DSG3: variants seen among roughly 807,000 people sequenced by gnomAD.
DSG3 encodes the protein desmoglein-3.
DSG3 carries 63 observed loss-of-function variants against 85.9 expected under a neutral mutation model. That is an observed-to-expected ratio of 0.73 (90% CI 0.60 to 0.90). The LOEUF (loss-of-function observed/expected upper bound fraction) is 0.90, where lower values mean the gene tolerates loss of function less well. DSG3 is among the 40% of genes least tolerant of loss of function. DSG3 has a pLI of 0.00. For missense variants in DSG3, 1,220 were observed against 1,219.9 expected (o/e 1.00, Z 0.00); for synonymous variants, 447 against 441.9 (o/e 1.01, Z -0.14).
chr18:31,466,584 A>G lies in DSG3; in HGVS notation c.1466A>G (p.Asn489Ser). The G allele has an allele frequency of 6.2e-7, 1 of 1,614,240 alleles. No individual in the cohort carries two copies. Among genetic ancestry groups the G allele is most frequent in the Non-Finnish European group, 8.5e-7 (1 of 1,180,036 alleles). Reference sequence around the variant, plus strand: ...GTATATGTTAGAGTACCCGATTTCAATGACAATTGTCCAACAGCTGTCCTC... The same window carrying G: ...GTATATGTTAGAGTACCCGATTTCAGTGACAATTGTCCAACAGCTGTCCTC... Reference protein sequence around the residue: ...GTVYVRVPDFNDNCPTAVLEK... With the variant: ...GTVYVRVPDFSDNCPTAVLEK... The change falls in exon 11 of 16, where the codon AAT becomes AGT. Residue 489 changes from asparagine (N) to serine (S), a missense_variant. Asn to Ser is a conservative substitution (Grantham distance 46). Transcript: ENST00000257189.
At chr18:31,452,274 A>G (rs1384282040) in intron 1 of DSG3, among the ~76,000 whole-genome samples, 1 of 152,168 alleles carries the variant, frequency 6.6e-6, no homozygotes, top group African/African-American at 2.4e-5. Context: ...TAATCCCAGC[A>G]CTTTGGGAGG....
intron 1 of DSG3, among the ~76,000 whole-genome samples, chr18:31,454,507 ACAT>A (rs1031473509): frequency 1.3e-5 from 2 of 152,164 alleles, no homozygotes; most frequent in African/African-American, 2.4e-5. Context: ...AAGAGTCCTG[ACAT>A]CTTATGTCTG....
chr18:31,461,340 T>G lies in DSG3; in HGVS notation c.927T>G (p.Ser309=). Residue 309 remains serine (S), a synonymous_variant, in exon 8 of 16, where the codon TCT becomes TCG. Transcript: ENST00000257189. ...DNWLAVYFFT[S]GNEGNWFEIQ... ...GGCTTGCAGTATATTTCTTTACCTC[T>G]GGGAATGAAGGAAATTGGTTTGAAA... 6.2e-7 allele frequency: 1 copy of G among 1,613,658 alleles called. No individual in the cohort carries two copies. Among genetic ancestry groups the G allele is most frequent in the Non-Finnish European group, 8.5e-7 (1 of 1,179,750 alleles).
At chr18:31,470,378 T>C (rs1211726757) in intron 12 of DSG3, among the ~76,000 whole-genome samples, 1 of 152,102 alleles carries the variant, frequency 6.6e-6, no homozygotes, top group African/African-American at 2.4e-5. Context: ...TAAAAAGAAA[T>C]AAATTGCTAT....
rs868702971 is a variant in DSG3, at chr18:31,460,503, C to G, written c.685-330C>G. ...CACCTTCTATCTCCATTACCACAGG[C>G]TACCCGGTCAGACCCCATATTATTT... On this transcript the variant is annotated intron_variant, in intron 6 of 15. Transcript: ENST00000257189. Among the ~76,000 whole-genome samples, 9 of 152,186 alleles carry G rather than the reference C, an allele frequency of 5.9e-5. No homozygotes were observed. The South Asian group carries it at 1.9e-3, about 32-fold the overall frequency.
chr18:31,464,468 C>T, intron 9 of DSG3, 86 bp downstream of exon 9: 1 of 1,343,202 alleles, frequency 7.4e-7, no homozygotes, highest in Non-Finnish European at 1.0e-6. Flanking sequence ...CTATTATGTG[C>T]CAAGAATAGA....
Position 31,475,730 on chromosome 18 carries a change from A to C in DSG3, c.2470A>C (p.Thr824Pro). ...CTATGATAATGAAGGCGCAGATGCC[A>C]CTGGTTCTCCTGTGGGCTCCGTGGG... ...LIYDNEGADA[T>P]GSPVGSVGCC... The change falls in exon 16 of 16, where the codon ACT (threonine) becomes CCT (proline). Residue 824 changes from threonine (T) to proline (P), a missense_variant. Thr to Pro is a conservative substitution (Grantham distance 38). Transcript: ENST00000257189. 6.2e-7 allele frequency: 1 copy of C among 1,614,194 alleles called. No individual in the cohort carries two copies. The highest frequency in any genetic ancestry group is 8.5e-7 in the Non-Finnish European group (1 of 1,180,030).
At position 31,460,897 on chromosome 18, in the gene DSG3, A is replaced by G. The variant is rs1298319984; in HGVS notation, c.749A>G (p.Gln250Arg). 2 of 1,605,512 alleles carry G rather than the reference A, an allele frequency of 1.2e-6. No homozygotes were observed. Among genetic ancestry groups the G allele is most frequent in the Admixed American group, 1.7e-5 (1 of 58,068 alleles). ...ADKDGEGLST[Q>R]CECNIKVKDV... ...AAAGATGGAGAAGGACTATCAACTC[A>G]ATGTGAATGTAATATTAAAGTGAAA... The change falls in exon 7 of 16, where the codon CAA becomes CGA. Residue 250 changes from glutamine (Q) to arginine (R), a missense_variant. Physicochemically the swap from Gln to Arg is conservative, Grantham distance 43. Coordinates refer to ENST00000257189, the MANE Select transcript of DSG3 (RefSeq NM_001944.3).
chr18:31,470,729 C>A (rs151022052), intron 12 of DSG3, among the ~76,000 whole-genome samples: 8 of 152,000 alleles, frequency 5.3e-5, no homozygotes, highest in African/African-American at 1.9e-4. Flanking sequence ...TTCAATTGAG[C>A]CTTGAAGAAT....
chr18:31,469,383 A>T, intron 12 of DSG3, 34 bp downstream of exon 12: 6 of 1,607,906 alleles, frequency 3.7e-6, no homozygotes, highest in Non-Finnish European at 5.1e-6. Flanking sequence ...CTGTTGGACC[A>T]GGTGTCCTCA....
intron 5 of DSG3, 111 bp downstream of exon 5, chr18:31,459,288 T>C: frequency 9.3e-7 from 1 of 1,079,322 alleles, no homozygotes; most frequent in South Asian, 1.7e-5. Context: ...TAATCAGTAG[T>C]TTTGAAAAAT....
chr18:31,468,157 G>A (rs1431559882), intron 11 of DSG3, among the ~76,000 whole-genome samples: 2 of 152,292 alleles, frequency 1.3e-5, no homozygotes, highest in Middle Eastern at 3.4e-3. Flanking sequence ...AGGCAACATA[G>A]CAATGGGAGA....
chr18:31,467,942 C>T (rs906616881), intron 11 of DSG3, among the ~76,000 whole-genome samples: 3 of 152,160 alleles, frequency 2.0e-5, no homozygotes, highest in East Asian at 1.9e-4. Flanking sequence ...TTACTGGATA[C>T]GTGGCCAATG....
chr18:31,458,741 C>A, intron 4 of DSG3, 141 bp downstream of exon 4: 1 of 1,021,534 alleles, frequency 9.8e-7, no homozygotes, highest in Non-Finnish European at 1.4e-6. Context: ...TTAGTCCCTC[C>A]ACAGAGCCTC....
chr18:31,458,438 G>A lies in DSG3; in HGVS notation c.217-7G>A, dbSNP rs777605747. 7 of 1,613,070 alleles carry A rather than the reference G, an allele frequency of 4.3e-6. No individual in the cohort carries two copies. Among genetic ancestry groups the A allele is most frequent in the Non-Finnish European group, 5.1e-6 (6 of 1,179,462 alleles). On this transcript the variant is annotated splice_region_variant and splice_polypyrimidine_tract_variant and intron_variant, in intron 3 of 15. Transcript: ENST00000257189. ...CACCTCAACGTTTTTGGTATTTGGG[G>A]CTGTAGATTACTTCAGATTACCAAG...
chr18:31,456,096 T>C (rs1480324848), intron 1 of DSG3, among the ~76,000 whole-genome samples: 1 of 152,216 alleles, frequency 6.6e-6, no homozygotes, highest in East Asian at 1.9e-4. Flanking sequence ...GCAATGACTT[T>C]CATAGCTTCC....
Position 31,477,353 on chromosome 18 carries a change from G to A in DSG3, c.*1093G>A, listed in dbSNP as rs1373455730. On this transcript the variant is annotated 3_prime_UTR_variant, in exon 16 of 16. Transcript: ENST00000257189. ...TAGCTCATTTTTTAAATGTCAGTGA[G>A]TAGATGTAGCATACATATGATGTAT... The A allele has an allele frequency of 6.6e-6, 1 of 152,184 alleles. No individual in the cohort carries two copies. Among genetic ancestry groups the A allele is most frequent in the African/African-American group, 2.4e-5 (1 of 41,432 alleles). 9.4% of individuals were successfully genotyped at this position (152,184 alleles called of 1,614,324 possible).
intron 3 of DSG3, among the ~76,000 whole-genome samples, chr18:31,457,592 CTTTCTTTCTTTCT>C (rs1568086512): frequency 7.6e-3 from 366 of 48,064 alleles, no homozygotes; most frequent in African/African-American, 0.031. Context: ...TTTCTTCTTT[CTTTCTTTCTTTCT>C]TTCTTTCTTT....
In DSG3 at chr18:31,475,662, C is replaced by A. The variant is rs745351504; in HGVS notation, c.2402C>A (p.Ala801Glu). Residue 801 changes from alanine (A) to glutamate (E), a missense_variant, in exon 16 of 16, where the codon GCG (alanine) becomes GAG (glutamate). Physicochemically the swap from Ala to Glu is moderately radical, Grantham distance 107. Transcript: ENST00000257189. ...CTGTCTTAGAAAGCATTTGCCTGTG[C>A]GGAGGAAGACGATGGCCAGGAAGCA... is the stretch of plus-strand genomic sequence containing the variant. ...SYFSQKAFACAEEDDGQEAND... is the reference protein window; with the variant it reads ...SYFSQKAFACEEEDDGQEAND... The A allele has an allele frequency of 1.2e-6, 2 of 1,613,730 alleles. No homozygotes were observed. Among genetic ancestry groups the A allele is most frequent in the South Asian group, 2.2e-5 (2 of 91,058 alleles).
Sources: allele counts gnomAD v4.1 joint callset (sites outside exome capture counted in the v4.1 genomes callset), GRCh38; gene constraint gnomAD v4.1.1; transcripts MANE v1.5; gene names NCBI Gene and HGNC (gene_info 2026-07-23, HGNC 2026-07-21).